Variants in OPHN1 observed in about 807,000 individuals in gnomAD.
OPHN1 encodes oligophrenin-1.
Under a neutral mutation model 60.7 loss-of-function variants are expected in OPHN1, and 11 were observed. The ratio of observed to expected loss-of-function variants is 0.18; its 90% confidence interval spans 0.11 to 0.30. The LOEUF (loss-of-function observed/expected upper bound fraction) is 0.30. Among genes scored for constraint, OPHN1 ranks in the 10% least tolerant of loss-of-function variants. The probability of loss-of-function intolerance (pLI) is 1.00; values close to 1 mark genes in which losing one functional copy is unlikely to be tolerated. For missense variants in OPHN1, 449 were observed against 611.0 expected (o/e 0.73, Z 2.80); for synonymous variants, 226 against 222.6 (o/e 1.02, Z -0.14).
intron 2 of OPHN1, among the ~76,000 whole-genome samples, chrX:68,306,438 G>A (rs1035648673): frequency 9.0e-6 from 1 of 111,708 alleles, no homozygotes; most frequent in Admixed American, 9.6e-5. Flanking sequence ...AAACTTTATC[G>A]AAAGATTGGG....
rs768074301 is a variant in OPHN1 at position 68,099,634 on chromosome X, G to T, written c.1527-2605C>A. 3.6e-5 allele frequency among the ~76,000 whole-genome samples: 4 copies of T among 111,993 alleles called. No homozygotes were observed. The South Asian group carries it at 1.5e-3, about 42-fold the overall frequency. On this transcript the variant is annotated intron_variant, in intron 18 of 24. Coordinates refer to ENST00000355520, the MANE Select transcript of OPHN1 (RefSeq NM_002547.3). ...GTTAAAACACTTGGGAGTGGTGAGG[G>T]CTATGGCAAATTAGAAGCTTGTGCC... is the stretch of plus-strand genomic sequence containing the variant.
chrX:68,164,665 A>AGCACTG (rs1297451985), intron 15 of OPHN1, among the ~76,000 whole-genome samples: 1 of 112,065 alleles, frequency 8.9e-6, no homozygotes, highest in Non-Finnish European at 1.9e-5. Flanking sequence ...ATGGTCAATG[A>AGCACTG]GCACTGGCTT....
intron 2 of OPHN1, among the ~76,000 whole-genome samples, chrX:68,343,254 A>G (rs1379702978): frequency 9.5e-5 from 9 of 94,620 alleles, no homozygotes; most frequent in African/African-American, 1.3e-4. Context: ...AGCCTGGGAG[A>G]CAAGAGAGAA....
chrX:68,384,139 T>C (rs773289507), intron 2 of OPHN1, among the ~76,000 whole-genome samples: 34 of 112,209 alleles, frequency 3.0e-4, no homozygotes, highest in African/African-American at 1.0e-3. Context: ...ACCCTCTAAA[T>C]TGTTAAGTAA....
chrX:68,375,917 G>A (rs138859951), intron 2 of OPHN1, among the ~76,000 whole-genome samples: 175 of 111,045 alleles, frequency 1.6e-3, no homozygotes, highest in African/African-American at 5.6e-3. Context: ...AGGAAGTGAA[G>A]GAGCTATAAC....
intron 2 of OPHN1, among the ~76,000 whole-genome samples, chrX:68,356,516 G>A (rs912954033): frequency 9.1e-6 from 1 of 110,328 alleles, no homozygotes; most frequent in East Asian, 2.8e-4. Flanking sequence ...GGGTTCAAGC[G>A]ATTCTCCTGC....
rs945724149 is a variant in OPHN1 at position 68,431,838 on chromosome X, A to C, written c.154+1029T>G. Among the ~76,000 whole-genome samples the C allele has an allele frequency of 5.4e-5, 6 of 111,585 alleles. No individual in the cohort carries two copies. The East Asian group carries it at 1.7e-3, about 32-fold the overall frequency. On this transcript the variant is annotated intron_variant, in intron 2 of 24. Transcript: ENST00000355520. ...CCTGTATTTGGTGATAAATTCACTC[A>C]AAACAAAGTTATAACCATATAGGAC...
intron 15 of OPHN1, among the ~76,000 whole-genome samples, chrX:68,137,951 C>T (rs1457084474): frequency 9.0e-6 from 1 of 111,422 alleles, no homozygotes; most frequent in African/African-American, 3.3e-5. Flanking sequence ...CACAGAGAAA[C>T]TATTAAACTT....
At chrX:68,052,425 G>C (rs2076855953) in intron 23 of OPHN1, 115 bp downstream of exon 23, 1 of 685,986 alleles carries the variant, frequency 1.5e-6, no homozygotes, top group African/African-American at 2.2e-5. Context: ...GACAGACAGA[G>C]ACAGAGCTGT....
intron 21 of OPHN1, among the ~76,000 whole-genome samples, chrX:68,054,880 T>C (rs986754247): frequency 8.9e-6 from 1 of 111,983 alleles, no homozygotes. Flanking sequence ...ATTCATCCAT[T>C]TTTTTCTACA....
Position 68,278,283 on chromosome X carries a change from C to T in OPHN1, c.313-3474G>A, listed in dbSNP as rs181730209. Among the ~76,000 whole-genome samples, 831 of 112,096 alleles carry T rather than the reference C, an allele frequency of 7.4e-3. 10 individuals are homozygous for T. The highest frequency in any genetic ancestry group is 0.025 in the African/African-American group (784 of 30,862). On this transcript the variant is annotated intron_variant, in intron 4 of 24. Transcript: ENST00000355520. ...ATTTCCTCTTTTTTCTTTTTCACTC[C>T]ATTTTATTCTTAAACCCCTTAGAAC...
chrX:68,231,213 C>G (rs371668525), intron 6 of OPHN1, among the ~76,000 whole-genome samples: 46 of 111,475 alleles, frequency 4.1e-4, no homozygotes, highest in African/African-American at 1.4e-3. Context: ...AATCAAAGGT[C>G]AAAATAAATG....
intron 2 of OPHN1, among the ~76,000 whole-genome samples, chrX:68,422,013 A>C (rs1197062526): frequency 6.3e-5 from 7 of 111,252 alleles, no homozygotes; most frequent in African/African-American, 2.3e-4. Context: ...GTATCACACC[A>C]CCAAGATGTA....
At chrX:68,222,028 A>T (rs1483864903) in intron 6 of OPHN1, among the ~76,000 whole-genome samples, 3 of 108,393 alleles carry the variant, frequency 2.8e-5, no homozygotes, top group Non-Finnish European at 5.7e-5. Context: ...CAACCTACTC[A>T]TCTGACAAAG....
At chrX:68,185,328 C>A (rs1452037889) in intron 15 of OPHN1, among the ~76,000 whole-genome samples, 2 of 112,172 alleles carry the variant, frequency 1.8e-5, no homozygotes, top group African/African-American at 6.5e-5. Context: ...AAGAGACATG[C>A]ATCACAAAAA....
intron 15 of OPHN1, among the ~76,000 whole-genome samples, chrX:68,171,333 A>G (rs1463666069): frequency 8.9e-6 from 1 of 112,208 alleles, no homozygotes; most frequent in Non-Finnish European, 1.9e-5. Context: ...AAAAAGAAAG[A>G]AAGAGAAAAT....
intron 2 of OPHN1, among the ~76,000 whole-genome samples, chrX:68,409,202 T>C (rs754231059): frequency 2.7e-5 from 3 of 111,485 alleles, no homozygotes; most frequent in East Asian, 2.8e-4. Context: ...TATAGGGAAA[T>C]TGAGGCACCA....
intron 15 of OPHN1, among the ~76,000 whole-genome samples, chrX:68,167,627 G>A (rs1253834695): frequency 2.7e-5 from 3 of 109,254 alleles, no homozygotes; most frequent in Non-Finnish European, 5.7e-5. Context: ...ATGCGCGCAT[G>A]CATGCATATA....
At chrX:68,324,019 T>C (rs189592158) in intron 2 of OPHN1, among the ~76,000 whole-genome samples, 2 of 111,962 alleles carry the variant, frequency 1.8e-5, no homozygotes, top group East Asian at 2.8e-4. Flanking sequence ...GGTGAAATTG[T>C]AGAAGCATTC....
Sources: allele counts gnomAD v4.1 joint callset (sites outside exome capture counted in the v4.1 genomes callset), GRCh38; gene constraint gnomAD v4.1.1; transcripts MANE v1.5; gene names NCBI Gene and HGNC (gene_info 2026-07-23, HGNC 2026-07-21).